SYT1: variants seen among roughly 807,000 people sequenced by gnomAD.
The protein encoded by SYT1 is synaptotagmin-1.
In SYT1, 8 loss-of-function variants were observed where a neutral mutation model predicts 44.8. That is an observed-to-expected ratio of 0.18 (90% CI 0.10 to 0.32). SYT1 has a LOEUF of 0.32. SYT1 is among the 10% of genes least tolerant of loss of function. The pLI, the probability that SYT1 is intolerant of heterozygous loss-of-function variation, is 1.00. For synonymous variants in SYT1, 154 were observed against 188.8 expected, an observed-to-expected ratio of 0.82 and a Z score of 1.51; for missense variants, 286 against 509.3, an observed-to-expected ratio of 0.56 and a Z score of 4.22.
rs573412301 is a variant in SYT1, at chr12:79,034,146, C to G, written c.-83-13151C>G. 1.2e-4 allele frequency among the ~76,000 whole-genome samples: 18 copies of G among 151,520 alleles called. No individual in the cohort carries two copies. The South Asian group carries it at 3.7e-3, about 32-fold the overall frequency. The stretch of plus-strand genomic sequence containing the variant: ...AAGAATCATGCTGTTCAGGCAAAAG[C>G]CCCAGGAAAACTGATCAATTTAAAG... On this transcript the variant is annotated intron_variant, in intron 2 of 10. Transcript: ENST00000261205.
intron 4 of SYT1, among the ~76,000 whole-genome samples, chr12:79,242,979 C>G (rs1876601682): frequency 6.6e-6 from 1 of 152,158 alleles, no homozygotes; most frequent in South Asian, 2.1e-4. Flanking sequence ...GGAGAAGCCT[C>G]ACAATCATGG....
intron 4 of SYT1, among the ~76,000 whole-genome samples, chr12:79,241,975 G>C (rs1387656988): frequency 6.6e-6 from 1 of 152,182 alleles, no homozygotes; most frequent in Non-Finnish European, 1.5e-5. Flanking sequence ...TATAAGCCTA[G>C]GAACACCAAG....
chr12:78,885,135 C>A (rs1874660918), intron 1 of SYT1, among the ~76,000 whole-genome samples: 1 of 151,740 alleles, frequency 6.6e-6, no homozygotes, highest in Non-Finnish European at 1.5e-5. Context: ...AATCTCTGAG[C>A]ATTAGTTCAA....
rs1748422434 is a variant in SYT1 at position 79,210,517 on chromosome 12, A to G, written c.-17-6986A>G. Among the ~76,000 whole-genome samples, 2 of 152,178 alleles carry G rather than the reference A, an allele frequency of 1.3e-5. 1 individual carries two copies. The highest frequency in any genetic ancestry group is 4.1e-4 in the South Asian group (2 of 4,826). On this transcript the variant is annotated intron_variant, in intron 3 of 10. Coordinates refer to ENST00000261205, the MANE Select transcript of SYT1 (RefSeq NM_005639.3). ...TACAATGTTTGGTTTTCCATTCCTG[A>G]GTTACTTCACTTAGAATAATAGTTT...
intron 2 of SYT1, among the ~76,000 whole-genome samples, chr12:79,033,225 G>A (rs2137680653): frequency 6.6e-6 from 1 of 151,338 alleles, no homozygotes; most frequent in South Asian, 2.1e-4. Flanking sequence ...TGGGTGAAAT[G>A]AGAGTCTCCT....
At chr12:78,933,250 G>A (rs781124899) in intron 1 of SYT1, among the ~76,000 whole-genome samples, 1 of 152,128 alleles carries the variant, frequency 6.6e-6, no homozygotes, top group African/African-American at 2.4e-5. Flanking sequence ...TGACCTCAGT[G>A]TATCAACTTC....
At chr12:78,982,357 A>G (rs1869325852) in intron 2 of SYT1, among the ~76,000 whole-genome samples, 1 of 152,214 alleles carries the variant, frequency 6.6e-6, no homozygotes, top group Admixed American at 6.6e-5. Flanking sequence ...GAAGGTCATC[A>G]TGTAAGTTTC....
At chr12:79,051,516 G>A (rs1006614822) in intron 3 of SYT1, among the ~76,000 whole-genome samples, 1 of 151,240 alleles carries the variant, frequency 6.6e-6, no homozygotes, top group South Asian at 2.1e-4. Flanking sequence ...TGCACATTAA[G>A]TTTTCATGTG....
In SYT1 at chr12:79,381,115, T is replaced by C. The variant is rs187481916; in HGVS notation, c.928+27496T>C. On this transcript the variant is annotated intron_variant, in intron 9 of 10. Coordinates refer to ENST00000261205, the MANE Select transcript of SYT1 (RefSeq NM_005639.3). ...TTGGCTACTCCACCATAATTTCTCCTAGGATTTAGTAGTTTTTATTCCTTG... is the reference window on the plus strand; with the variant it reads ...TTGGCTACTCCACCATAATTTCTCCCAGGATTTAGTAGTTTTTATTCCTTG... Among the ~76,000 whole-genome samples the C allele has an allele frequency of 2.6e-3, 402 of 152,344 alleles. 8 individuals carry two copies. Among genetic ancestry groups the C allele is most frequent in the South Asian group, 0.024 (114 of 4,824 alleles).
rs1423787188 is a variant in SYT1 at position 79,058,004 on chromosome 12, G to C, written c.-18+10642G>C. ...AATTATGCCTAGTAACATAATTCCAGAAAGAAATGGGTTTGGACAATTGTA... is the reference window on the plus strand; with the variant it reads ...AATTATGCCTAGTAACATAATTCCACAAAGAAATGGGTTTGGACAATTGTA... On this transcript the variant is annotated intron_variant, in intron 3 of 10. Coordinates refer to ENST00000261205, the MANE Select transcript of SYT1 (RefSeq NM_005639.3). 2.0e-5 allele frequency among the ~76,000 whole-genome samples: 3 copies of C among 151,966 alleles called. No homozygotes were observed. In the East Asian group the frequency reaches 5.8e-4, roughly 29 times the overall value.
At chr12:79,304,354 A>G (rs1880290236) in intron 8 of SYT1, among the ~76,000 whole-genome samples, 1 of 152,236 alleles carries the variant, frequency 6.6e-6, no homozygotes, top group Non-Finnish European at 1.5e-5. Flanking sequence ...TCTGAAAGCT[A>G]ATCAGCAAAA....
intron 1 of SYT1, among the ~76,000 whole-genome samples, chr12:78,944,665 C>T (rs1447313606): frequency 6.6e-6 from 1 of 152,030 alleles, no homozygotes; most frequent in African/African-American, 2.4e-5. Context: ...TGTTACAGAA[C>T]AGAAATAAAA....
chr12:79,008,856 G>T (rs1484820376), intron 2 of SYT1, among the ~76,000 whole-genome samples: 1 of 152,126 alleles, frequency 6.6e-6, no homozygotes, highest in African/African-American at 2.4e-5. Flanking sequence ...ATAGCTTGAA[G>T]TACACAGCAG....
chr12:79,166,040 C>T (rs1871204846), intron 3 of SYT1, among the ~76,000 whole-genome samples: 1 of 151,846 alleles, frequency 6.6e-6, no homozygotes, highest in Non-Finnish European at 1.5e-5. Flanking sequence ...AGACAATAAT[C>T]AAAATTGGAT....
chr12:78,913,819 T>A (rs893570820), intron 1 of SYT1, among the ~76,000 whole-genome samples: 2 of 151,876 alleles, frequency 1.3e-5, no homozygotes, highest in Admixed American at 6.6e-5. Flanking sequence ...ACCTTATGTA[T>A]CACTAGTCAC....
intron 2 of SYT1, among the ~76,000 whole-genome samples, chr12:79,024,646 G>A (rs61928977): frequency 2.6e-3 from 389 of 151,776 alleles, no homozygotes; most frequent in Non-Finnish European, 4.2e-3. Context: ...GACTAAAATG[G>A]GCAAGACCCC....
chr12:79,075,167 A>G (rs1316637511), intron 3 of SYT1, among the ~76,000 whole-genome samples: 1 of 152,176 alleles, frequency 6.6e-6, no homozygotes, highest in Non-Finnish European at 1.5e-5. Flanking sequence ...TGCAAAAGAG[A>G]TACTAGGAGT....
intron 3 of SYT1, among the ~76,000 whole-genome samples, chr12:79,174,563 A>G (rs2694685): frequency 0.66 from 100,698 of 151,806 alleles, 33,763 homozygotes; most frequent in African/African-American, 0.71. Flanking sequence ...TAGCAAGGAA[A>G]TGGGCCAGAG....
chr12:79,390,437 GAATC>G (rs151018389), intron 9 of SYT1, among the ~76,000 whole-genome samples: 18,306 of 152,012 alleles, frequency 0.12, 1,145 homozygotes, highest in Non-Finnish European at 0.14. Context: ...ATAGATTTAA[GAATC>G]AAACAATTCT....
Sources: gnomAD v4.1 joint callset for allele counts (sites outside exome capture counted in the v4.1 genomes callset) on GRCh38, gnomAD v4.1.1 for gene constraint, MANE v1.5 for transcripts, NCBI Gene and HGNC (gene_info 2026-07-23, HGNC 2026-07-21) for gene names.